Variants in MIA2 observed in about 807,000 individuals in gnomAD.
The protein encoded by MIA2 is melanoma inhibitory activity protein 2.
In MIA2, 127 loss-of-function variants were observed where a neutral mutation model predicts 167.8. That is an observed-to-expected ratio of 0.76 (90% CI 0.66 to 0.88). The LOEUF is 0.88. Ranked by LOEUF, MIA2 falls within the 40% of genes least tolerant of loss-of-function variation. MIA2 has a pLI of 0.00. For synonymous variants in MIA2, 552 were observed against 541.9 expected, an observed-to-expected ratio of 1.02 and a Z score of -0.26; for missense variants, 1,690 against 1,624.7, an observed-to-expected ratio of 1.04 and a Z score of -0.69.
intron 25 of MIA2, among the ~76,000 whole-genome samples, chr14:39,339,708 T>C (rs2071345478): frequency 6.6e-6 from 1 of 152,176 alleles, no homozygotes; most frequent in Non-Finnish European, 1.5e-5. Context: ...AATAGAAATG[T>C]TTTATATCTA....
chr14:39,323,531 G>T (rs1355354564), intron 24 of MIA2, among the ~76,000 whole-genome samples: 2 of 134,654 alleles, frequency 1.5e-5, no homozygotes, highest in Admixed American at 9.0e-5. Context: ...ACATAAACAT[G>T]ATTGAAATAT....
At chr14:39,291,195 G>A (rs2060695342) in intron 10 of MIA2, 99 bp downstream of exon 10, 1 of 992,218 alleles carries the variant, frequency 1.0e-6, no homozygotes, top group Admixed American at 2.7e-5. Context: ...TGAAAAAAAT[G>A]TGAAAGAGCA....
chr14:39,234,821 A>G (rs901151825), intron 1 of MIA2, among the ~76,000 whole-genome samples: 4 of 152,036 alleles, frequency 2.6e-5, no homozygotes, highest in Non-Finnish European at 4.4e-5. Context: ...ATCATTGAAT[A>G]TAAAGCTTTC....
chr14:39,360,533 G>A (rs957585334), intron 23 of MIA2, among the ~76,000 whole-genome samples: 1 of 150,526 alleles, frequency 6.6e-6, no homozygotes, highest in Admixed American at 6.6e-5. Flanking sequence ...GTGTATTCTT[G>A]TGTATTCTTT....
At chr14:39,238,811 A>AAAACAAAAC in intron 2 of MIA2, among the ~76,000 whole-genome samples, 1 of 103,636 alleles carries the variant, frequency 9.6e-6, no homozygotes, top group African/African-American at 3.9e-5. Context: ...AAAAAAAAAA[A>AAAACAAAAC]CCCAAAAAAC....
rs915814822 is a variant in MIA2, at chr14:39,299,845, T to G, written c.2497-19T>G. On this transcript the variant is annotated intron_variant, in intron 13 of 28. Transcript: ENST00000640607. ...TTCACTTGTGTGATGAGTTGCATTT[T>G]TAAAATTTTCATTTTCAGCTTTTGC... The G allele has an allele frequency of 2.5e-6, 4 of 1,594,810 alleles. No homozygotes were observed. The highest frequency in any genetic ancestry group is 3.5e-5 in the Admixed American group (2 of 56,444).
chr14:39,286,109 GT>G (rs2059744093), intron 9 of MIA2, among the ~76,000 whole-genome samples: 1 of 152,108 alleles, frequency 6.6e-6, no homozygotes, highest in Non-Finnish European at 1.5e-5. Context: ...GGAGGTGGAG[GT>G]TGTAGCTAGC....
At chr14:39,281,316 G>GT (rs918458572) in intron 9 of MIA2, among the ~76,000 whole-genome samples, 3 of 152,030 alleles carry the variant, frequency 2.0e-5, no homozygotes, top group Admixed American at 6.6e-5. Flanking sequence ...ATAAAAATGG[G>GT]TATTTTAACT....
intron 25 of MIA2, among the ~76,000 whole-genome samples, chr14:39,339,897 G>A (rs535439872): frequency 6.6e-6 from 1 of 152,300 alleles, no homozygotes; most frequent in African/African-American, 2.4e-5. Flanking sequence ...CCAGGCTGGA[G>A]TGCAGTGGCA....
At chr14:39,361,056 T>C (rs2074671805) in intron 23 of MIA2, among the ~76,000 whole-genome samples, 1 of 152,214 alleles carries the variant, frequency 6.6e-6, no homozygotes, top group Admixed American at 6.5e-5. Context: ...ACTATAGCCT[T>C]GTAATATATT....
Position 39,345,873 on chromosome 14 carries a change from A to T in MIA2, c.3656-31A>T. On this transcript the variant is annotated intron_variant, in intron 25 of 28. Transcript: ENST00000640607. ...AGTAAACTTGATTTATATTTACATT[A>T]ATGAAGACATTTTAAAAACTTATTT... is the stretch of plus-strand genomic sequence containing the variant. The T allele has an allele frequency of 1.3e-6, 2 of 1,579,636 alleles. 1 individual carries two copies. Among genetic ancestry groups the T allele is most frequent in the East Asian group, 4.5e-5 (2 of 44,564 alleles).
intron 6 of MIA2, among the ~76,000 whole-genome samples, chr14:39,262,676 C>T (rs1374537103): frequency 6.6e-6 from 1 of 152,130 alleles, no homozygotes; most frequent in Non-Finnish European, 1.5e-5. Flanking sequence ...TTGTTTGTGT[C>T]CTCTTTTATT....
intron 25 of MIA2, among the ~76,000 whole-genome samples, chr14:39,342,091 A>G (rs897149545): frequency 6.6e-6 from 1 of 152,160 alleles, no homozygotes; most frequent in African/African-American, 2.4e-5. Flanking sequence ...ATATGTATAC[A>G]TGTGCCATGT....
chr14:39,280,235 T>C (rs972490698), intron 9 of MIA2, among the ~76,000 whole-genome samples: 2 of 152,222 alleles, frequency 1.3e-5, no homozygotes, highest in African/African-American at 2.4e-5. Flanking sequence ...GCCAATAACA[T>C]GCTTTTTATA....
At chr14:39,313,505 C>A in intron 19 of MIA2, 64 bp downstream of exon 19, 2 of 850,466 alleles carry the variant, frequency 2.4e-6, no homozygotes, top group Non-Finnish European at 3.7e-6. Flanking sequence ...AACTTAATGC[C>A]AGAAAAATAA....
intron 2 of MIA2, among the ~76,000 whole-genome samples, chr14:39,239,094 A>G (rs2053927923): frequency 1.3e-5 from 2 of 152,100 alleles, no homozygotes; most frequent in South Asian, 4.1e-4. Flanking sequence ...TTTTTTGTAT[A>G]GCCTCTGTGG....
rs1047630769 is a variant in MIA2, at chr14:39,293,940, A to C, written c.2320-60A>C. 2.5e-5 allele frequency: 32 copies of C among 1,301,858 alleles called. 1 individual carries two copies. In the South Asian group the frequency reaches 2.7e-4, roughly 11 times the overall value. The allele number at this position is 1,301,858 out of a possible 1,614,324, so 80.6% of individuals were successfully genotyped here. On this transcript the variant is annotated intron_variant, in intron 11 of 28. Coordinates refer to ENST00000640607, the MANE Select transcript of MIA2 (RefSeq NM_001329214.4). ...GTTAGGTTAACAGTATATCTAATAA[A>C]CATGGCATTTTGGAAACTAGAGTTT...
intron 3 of MIA2, among the ~76,000 whole-genome samples, chr14:39,245,394 CA>C (rs142074391): frequency 8.5e-4 from 126 of 148,504 alleles, no homozygotes; most frequent in South Asian, 2.8e-3. Context: ...AGAAATATTG[CA>C]AAAAAAAAAT....
At chr14:39,263,865 C>T (rs1042470652) in intron 6 of MIA2, among the ~76,000 whole-genome samples, 1 of 152,080 alleles carries the variant, frequency 6.6e-6, no homozygotes, top group Non-Finnish European at 1.5e-5. Flanking sequence ...AACTCCTGAC[C>T]TCGAGTGATT....
Sources: gnomAD v4.1 joint callset for allele counts (sites outside exome capture counted in the v4.1 genomes callset) on GRCh38, gnomAD v4.1.1 for gene constraint, MANE v1.5 for transcripts, NCBI Gene and HGNC (gene_info 2026-07-23, HGNC 2026-07-21) for gene names.